The following IDH3B variants were observed in gnomAD, a reference collection of about 807,000 sequenced individuals.
The protein encoded by IDH3B is isocitrate dehydrogenase (NAD(+)) 3 non-catalytic subunit beta, also known as isocitrate dehydrogenase [NAD] subunit beta, mitochondrial.
IDH3B carries 40 observed loss-of-function variants against 47.5 expected under a neutral mutation model. The observed-to-expected ratio is 0.84, with a 90% confidence interval of 0.65 to 1.10. The LOEUF is 1.10. IDH3B is among the 50% of genes least tolerant of loss of function. IDH3B has a pLI of 0.00. For synonymous variants in IDH3B, 185 were observed against 191.0 expected (o/e 0.97, Z 0.26); for missense variants, 450 against 505.2 (o/e 0.89, Z 1.05).
intron 4 of IDH3B, among the ~76,000 whole-genome samples, chr20:2,662,225 G>A (rs1375243005): frequency 1.3e-5 from 2 of 152,204 alleles, no homozygotes. Context: ...GTGAATGAGT[G>A]AGAAGGACTC....
At chr20:2,664,097 A>G in intron 1 of IDH3B, 56 bp downstream of exon 1, 1 of 1,608,348 alleles carries the variant, frequency 6.2e-7, no homozygotes, top group Non-Finnish European at 8.5e-7. Context: ...AGGAAACCCT[A>G]GGACAAACTC....
At chr20:2,659,369 C>T (rs879657883) in intron 11 of IDH3B, 156 bp downstream of exon 11, 51 of 1,574,400 alleles carry the variant, frequency 3.2e-5, no homozygotes, top group Non-Finnish European at 4.2e-5. Context: ...AGATGAAGAA[C>T]AGCCCTGAGA....
intron 4 of IDH3B, among the ~76,000 whole-genome samples, chr20:2,662,808 C>T (rs2086971387): frequency 6.6e-6 from 1 of 152,160 alleles, no homozygotes; most frequent in Non-Finnish European, 1.5e-5. Flanking sequence ...CAAAAATTAG[C>T]CAGGCATGGT....
intron 11 of IDH3B, 145 bp downstream of exon 11, chr20:2,659,380 G>C (rs1368084013): frequency 3.9e-6 from 6 of 1,553,808 alleles, no homozygotes; most frequent in Non-Finnish European, 3.5e-6. Flanking sequence ...AGCCCTGAGA[G>C]GGATGCAGGG....
At chr20:2,663,307 A>G in intron 4 of IDH3B, 139 bp downstream of exon 4, 4 of 1,070,014 alleles carry the variant, frequency 3.7e-6, no homozygotes, top group Admixed American at 3.5e-5. Context: ...CCCAATGGGA[A>G]GGAACAAATG....
At chr20:2,663,815 C>T (rs1367627520) in intron 2 of IDH3B, 57 bp from the exon 3 acceptor site, 1 of 1,603,452 alleles carries the variant, frequency 6.2e-7, no homozygotes, top group Non-Finnish European at 8.5e-7. Context: ...AGCACGGATC[C>T]TGGGAGTAGA....
chr20:2,659,144 A>G, intron 11 of IDH3B: 1 of 1,263,584 alleles, frequency 7.9e-7, no homozygotes, highest in Non-Finnish European at 9.8e-7. Flanking sequence ...ACCAGGTGGA[A>G]GGAAAGAATC....
rs2086989989 is a variant in IDH3B, at chr20:2,663,649, AG to A, written c.216+10del. On this transcript the variant is annotated intron_variant, in intron 3 of 11. Transcript: ENST00000380843. ...ACTGTCCTCTACTGTCTGATCCCCG[AG>A]GCCACTCACCTTGAACACCTCCTTG... is the stretch of plus-strand genomic sequence containing the variant. 1.9e-6 allele frequency: 3 copies of A among 1,614,010 alleles called. No homozygotes were observed. The Admixed American group carries it at 5.0e-5, about 27-fold the overall frequency.
At chr20:2,663,248 T>G (rs922630019) in intron 4 of IDH3B, among the ~76,000 whole-genome samples, 198 bp downstream of exon 4, 1 of 152,082 alleles carries the variant, frequency 6.6e-6, no homozygotes, top group African/African-American at 2.4e-5. Context: ...TCAGAACCCC[T>G]GGAACTTTTC....
intron 2 of IDH3B, 37 bp downstream of exon 2, chr20:2,663,888 G>A (rs2086996754): frequency 3.7e-6 from 6 of 1,608,052 alleles, no homozygotes; most frequent in African/African-American, 1.3e-5. Context: ...GGAAGGGACA[G>A]GGTCGTAAGA....
intron 11 of IDH3B, 150 bp downstream of exon 11, chr20:2,659,375 T>C: frequency 6.4e-7 from 1 of 1,572,278 alleles, no homozygotes; most frequent in Non-Finnish European, 8.7e-7. Context: ...AGAACAGCCC[T>C]GAGAGGGATG....
intron 11 of IDH3B, chr20:2,659,038 G>C (rs1348081817): frequency 8.4e-6 from 10 of 1,187,178 alleles, no homozygotes; most frequent in Non-Finnish European, 9.6e-6. Flanking sequence ...CTGTGCTGCA[G>C]CCAGGGCAGG....
At chr20:2,661,031 C>T in intron 4 of IDH3B, 62 bp from the exon 5 acceptor site, 1 of 1,382,600 alleles carries the variant, frequency 7.2e-7, no homozygotes, top group Non-Finnish European at 1.0e-6. Flanking sequence ...GAACTCAGAC[C>T]AGTGTCTAAC....
Position 2,658,804 on chromosome 20 carries a change from T to C in IDH3B, c.1105A>G (p.Thr369Ala), listed in dbSNP as rs1337232653. 1 of 1,614,178 alleles carries C rather than the reference T, an allele frequency of 6.2e-7. No homozygotes were observed. Among genetic ancestry groups the C allele is most frequent in the Admixed American group, 1.7e-5 (1 of 60,022 alleles). ...RTRDMGGYST[T>A]TDFIKSVIGH... Reference sequence around the variant, plus strand: ...ATGACAGACTTGATGAAGTCGGTTGTGGTGCTGTAGCCGCCCATGTCTCGA... The same window carrying C: ...ATGACAGACTTGATGAAGTCGGTTGCGGTGCTGTAGCCGCCCATGTCTCGA... Residue 369 changes from threonine (T) to alanine (A), a missense_variant, in exon 12 of 12, where the codon ACA becomes GCA. By Grantham distance (58) the Thr-to-Ala change is moderately conservative (BLOSUM62 0). Coordinates refer to ENST00000380843, the MANE Select transcript of IDH3B (RefSeq NM_006899.5).
Position 2,663,527 on chromosome 20 carries a change from TC to T in IDH3B, c.255del (p.Ser86ValfsTer16). ...TCAGATGCCATATTCTGCACCTCAC[TC>T]AGGTGGTGCTCCTGGAACTCCACTG... ...AVPVEFQEHH[L>X]SEVQNMASEE... On this transcript the variant is annotated frameshift_variant, in exon 4 of 12. Coordinates refer to ENST00000380843, the MANE Select transcript of IDH3B (RefSeq NM_006899.5). LOFTEE classifies it high-confidence loss of function. 6.2e-7 allele frequency: 1 copy of T among 1,614,068 alleles called. No individual in the cohort carries two copies. The highest frequency in any genetic ancestry group is 8.5e-7 in the Non-Finnish European group (1 of 1,179,936).
chr20:2,661,346 G>A (rs1333547493), intron 4 of IDH3B, among the ~76,000 whole-genome samples: 1 of 152,176 alleles, frequency 6.6e-6, no homozygotes, highest in Non-Finnish European at 1.5e-5. Context: ...ACAGGCATGT[G>A]CCACCACACC....
chr20:2,663,777 G>A lies in IDH3B; in HGVS notation c.118-19C>T, dbSNP rs761349092. 19 of 1,612,460 alleles carry A rather than the reference G, an allele frequency of 1.2e-5. No individual in the cohort carries two copies. Among genetic ancestry groups the A allele is most frequent in the South Asian group, 2.2e-5 (2 of 91,056 alleles). On this transcript the variant is annotated intron_variant, in intron 2 of 11. Coordinates refer to ENST00000380843, the MANE Select transcript of IDH3B (RefSeq NM_006899.5). Reference sequence around the variant, plus strand: ...CCTCGGCCTCAATTGGGGGAAGAGGGGAGAAGTAAAGATAGAGCTGGGGCG... The same window carrying A: ...CCTCGGCCTCAATTGGGGGAAGAGGAGAGAAGTAAAGATAGAGCTGGGGCG...
chr20:2,660,115 A>G lies in IDH3B; in HGVS notation c.830T>C (p.Ile277Thr), dbSNP rs761437016. ...AACCAGGCCAGCAGCCAGATTGTCA[A>G]TAATGTTCCCATAGAGATTGGGCAT... ...LVMPNLYGNI[I>T]DNLAAGLVGG... The change falls in exon 9 of 12, where the codon ATT (isoleucine) becomes ACT (threonine). Residue 277 changes from isoleucine (I) to threonine (T), a missense_variant. Transcript: ENST00000380843. The surrounding 1 kb of genome is among the most constrained non-coding windows in gnomAD (Gnocchi z 5.6). 73 of 1,614,056 alleles carry G rather than the reference A, an allele frequency of 4.5e-5. 1 individual carries two copies. The highest frequency in any genetic ancestry group is 5.5e-5 in the Non-Finnish European group (65 of 1,180,024).
Position 2,658,497 on chromosome 20 carries a change from T to C in IDH3B, c.*254A>G, listed in dbSNP as rs145502189. On this transcript the variant is annotated 3_prime_UTR_variant, in exon 12 of 12. Coordinates refer to ENST00000380843, the MANE Select transcript of IDH3B (RefSeq NM_006899.5). The stretch of plus-strand genomic sequence containing the variant: ...CTCAGTGAAGTCATGGCAAGTAGCA[T>C]AGCCACCCATGTCAGAGGTTCGAAC... 1.2e-5 allele frequency: 20 copies of C among 1,614,126 alleles called. No homozygotes were observed. In the African/African-American group the frequency reaches 2.3e-4, roughly 18 times the overall value.
Sources: allele counts gnomAD v4.1 joint callset (sites outside exome capture counted in the v4.1 genomes callset), GRCh38; gene constraint gnomAD v4.1.1; non-coding constraint Gnocchi (gnomAD v3.1); transcripts MANE v1.5; gene names NCBI Gene and HGNC (gene_info 2026-07-23, HGNC 2026-07-21).